Variants in PTPRT observed in about 807,000 individuals in gnomAD.
PTPRT encodes receptor-type tyrosine-protein phosphatase T.
In PTPRT, 56 loss-of-function variants were observed where a neutral mutation model predicts 176.8. The observed-to-expected ratio is 0.32, with a 90% CI of 0.26 to 0.40. PTPRT has a LOEUF of 0.40. Among genes scored for constraint, PTPRT ranks in the 10% least tolerant of loss-of-function variants. PTPRT has a pLI of 1.00. For missense variants in PTPRT, 1,540 were observed against 1,908.2 expected, an observed-to-expected ratio of 0.81 and a Z score of 3.60; for synonymous variants, 783 against 739.0, an observed-to-expected ratio of 1.06 and a Z score of -0.96.
intron 7 of PTPRT, among the ~76,000 whole-genome samples, chr20:42,554,104 G>T (rs79678601): frequency 6.6e-6 from 1 of 152,020 alleles, no homozygotes; most frequent in African/African-American, 2.4e-5. Flanking sequence ...AAACGTTCTT[G>T]GGAGAAGAGA....
intron 1 of PTPRT, among the ~76,000 whole-genome samples, chr20:43,042,361 C>A (rs1196522949): frequency 3.0e-5 from 4 of 131,172 alleles, no homozygotes; most frequent in African/African-American, 1.5e-4. Context: ...ACTAACCAGG[C>A]AGCACACTTA....
At chr20:42,523,479 T>A (rs2072213512) in intron 7 of PTPRT, among the ~76,000 whole-genome samples, 1 of 152,198 alleles carries the variant, frequency 6.6e-6, no homozygotes, top group African/African-American at 2.4e-5. Context: ...ATAACTTGCC[T>A]CCTAGGTGTT....
chr20:42,795,299 G>A (rs896442969), intron 2 of PTPRT, among the ~76,000 whole-genome samples: 1 of 152,124 alleles, frequency 6.6e-6, no homozygotes, highest in Non-Finnish European at 1.5e-5. Flanking sequence ...CTCTCTGGCT[G>A]GCCATAAATT....
intron 1 of PTPRT, among the ~76,000 whole-genome samples, chr20:43,182,685 G>A (rs113580408): frequency 2.0e-5 from 3 of 152,000 alleles, no homozygotes; most frequent in African/African-American, 7.2e-5. Flanking sequence ...GCCACCACTC[G>A]CCCGGCCGTG....
At chr20:43,117,148 T>G (rs1191492420) in intron 1 of PTPRT, among the ~76,000 whole-genome samples, 2 of 152,070 alleles carry the variant, frequency 1.3e-5, no homozygotes, top group African/African-American at 2.4e-5. Context: ...GTACAGACAC[T>G]TCCACCTATA....
rs73907245 is a variant in PTPRT, at chr20:42,712,686, C to T, written c.860-34527G>A. On this transcript the variant is annotated intron_variant, in intron 6 of 30. Transcript: ENST00000373187. Reference sequence around the variant, plus strand: ...ATAAAAACTGATGTCAACTCTCACACATAGCTGATAGGCCTATAAATTGGT... The same window carrying T: ...ATAAAAACTGATGTCAACTCTCACATATAGCTGATAGGCCTATAAATTGGT... Among the ~76,000 whole-genome samples, 299 of 152,342 alleles carry T rather than the reference C, an allele frequency of 2.0e-3. 1 individual carries two copies. Among genetic ancestry groups the T allele is most frequent in the African/African-American group, 6.8e-3 (282 of 41,568 alleles).
intron 2 of PTPRT, among the ~76,000 whole-genome samples, chr20:42,831,784 C>G (rs1449697618): frequency 6.6e-6 from 1 of 152,188 alleles, no homozygotes; most frequent in African/African-American, 2.4e-5. Flanking sequence ...AACTCATTAT[C>G]ACTGATCATT....
At chr20:42,585,420 G>T (rs1049733931) in intron 7 of PTPRT, among the ~76,000 whole-genome samples, 5 of 152,122 alleles carry the variant, frequency 3.3e-5, no homozygotes, top group Non-Finnish European at 7.4e-5. Context: ...AATTTTTAAT[G>T]TGTCATTTGC....
At chr20:42,531,884 G>T (rs1231208379) in intron 7 of PTPRT, among the ~76,000 whole-genome samples, 1 of 152,194 alleles carries the variant, frequency 6.6e-6, no homozygotes, top group African/African-American at 2.4e-5. Flanking sequence ...ACAGAAAAGG[G>T]AAGGGACTCA....
intron 7 of PTPRT, among the ~76,000 whole-genome samples, chr20:42,496,789 G>A (rs1350569949): frequency 6.6e-6 from 1 of 151,958 alleles, no homozygotes; most frequent in East Asian, 1.9e-4. Context: ...ATGGTTTTTT[G>A]TATAACGATG....
intron 1 of PTPRT, among the ~76,000 whole-genome samples, chr20:43,052,266 A>C (rs796168076): frequency 1.3e-5 from 2 of 152,374 alleles, no homozygotes; most frequent in African/African-American, 4.8e-5. Flanking sequence ...AATTCAGCAT[A>C]AATGAACAAA....
At chr20:42,538,407 T>C (rs964689659) in intron 7 of PTPRT, among the ~76,000 whole-genome samples, 2 of 152,178 alleles carry the variant, frequency 1.3e-5, no homozygotes, top group East Asian at 1.9e-4. Context: ...GTCTTTGGGC[T>C]AAATCTCATG....
intron 14 of PTPRT, among the ~76,000 whole-genome samples, chr20:42,236,593 ATTT>A (rs11480202): frequency 2.2e-5 from 3 of 135,612 alleles, no homozygotes; most frequent in Admixed American, 7.5e-5. Flanking sequence ...TGTAATTATG[ATTT>A]TTTTTTTTTT....
At chr20:42,580,541 G>GA (rs1291780650) in intron 7 of PTPRT, among the ~76,000 whole-genome samples, 2 of 152,122 alleles carry the variant, frequency 1.3e-5, no homozygotes, top group Non-Finnish European at 2.9e-5. Flanking sequence ...CATGAGCATG[G>GA]AATGTTCTTC....
chr20:42,384,256 C>T (rs1014838977), intron 9 of PTPRT, among the ~76,000 whole-genome samples: 2 of 152,152 alleles, frequency 1.3e-5, no homozygotes, highest in Admixed American at 6.5e-5. Context: ...AGAACACAGA[C>T]CCATTAACAA....
intron 1 of PTPRT, among the ~76,000 whole-genome samples, chr20:42,923,043 G>A (rs1017352062): frequency 1.3e-5 from 2 of 152,050 alleles, no homozygotes; most frequent in African/African-American, 4.8e-5. Flanking sequence ...GACACATGAA[G>A]CTCCATGATG....
At chr20:42,535,173 A>G (rs538444352) in intron 7 of PTPRT, among the ~76,000 whole-genome samples, 10 of 152,222 alleles carry the variant, frequency 6.6e-5, no homozygotes, top group Non-Finnish European at 1.3e-4. Flanking sequence ...TGTCCTTTGC[A>G]GCAACATGAA....
At chr20:43,117,921 T>C (rs770400048) in intron 1 of PTPRT, among the ~76,000 whole-genome samples, 2 of 152,182 alleles carry the variant, frequency 1.3e-5, no homozygotes, top group South Asian at 4.1e-4. Context: ...TGTAACTAGA[T>C]AGCATCGACA....
chr20:42,399,580 T>TA (rs1568846150), intron 9 of PTPRT, among the ~76,000 whole-genome samples: 2 of 152,220 alleles, frequency 1.3e-5, no homozygotes, highest in Non-Finnish European at 2.9e-5. Flanking sequence ...GTTGGACTAA[T>TA]AACTCTTTTG....
Sources: allele counts gnomAD v4.1 joint callset (sites outside exome capture counted in the v4.1 genomes callset), GRCh38; gene constraint gnomAD v4.1.1; transcripts MANE v1.5; gene names NCBI Gene and HGNC (gene_info 2026-07-23, HGNC 2026-07-21).